The following WDR35 variants were observed in gnomAD, a reference collection of about 807,000 sequenced individuals.
WDR35 encodes the protein WD repeat domain 35.
In WDR35, 118 loss-of-function variants were observed where a neutral mutation model predicts 158.3. The observed-to-expected ratio is 0.75, with a 90% confidence interval of 0.64 to 0.87. WDR35 has a LOEUF of 0.87. Ranked by LOEUF, WDR35 falls within the 40% of genes least tolerant of loss-of-function variation. The probability of loss-of-function intolerance (pLI) is 0.00; values close to 1 mark genes in which losing one functional copy is unlikely to be tolerated. For synonymous variants in WDR35, 448 were observed against 476.1 expected, an observed-to-expected ratio of 0.94 and a Z score of 0.77; for missense variants, 1,263 against 1,405.8, an observed-to-expected ratio of 0.90 and a Z score of 1.62.
At position 19,975,625 on chromosome 2, in the gene WDR35, GCTGTAT is replaced by G. The variant is rs1263182806; in HGVS notation, c.469_474del (p.Ile157_Gln158del). On this transcript the variant is annotated inframe_deletion, in exon 6 of 27. Coordinates refer to ENST00000281405, the MANE Select transcript of WDR35 (RefSeq NM_020779.4). The stretch of plus-strand genomic sequence containing the variant: ...TCCGCAGACCATGTTACATGGGATA[GCTGTAT>G]ACCCTTCAGGTCTTTTCCCCAAATA... 7.4e-6 allele frequency: 12 copies of G among 1,613,956 alleles called. No homozygotes were observed. Among genetic ancestry groups the G allele is most frequent in the Non-Finnish European group, 9.3e-6 (11 of 1,179,974 alleles).
chr2:19,978,998 C>A lies in WDR35; in HGVS notation c.308-119G>T, dbSNP rs1572365766. ...GGACAAATAACTGCAAAGTTTTCTA[C>A]AACCTGAGACATTAAACTATAAAAC... On this transcript the variant is annotated intron_variant, in intron 4 of 26. Coordinates refer to ENST00000281405, the MANE Select transcript of WDR35 (RefSeq NM_020779.4). The A allele has an allele frequency of 2.4e-6, 3 of 1,231,900 alleles. No individual in the cohort carries two copies. The South Asian group carries it at 4.0e-5, about 16-fold the overall frequency. The allele number at this position is 1,231,900 out of a possible 1,614,324, so 76.3% of individuals were successfully genotyped here. A position where few individuals can be genotyped will look rare whatever the true frequency, so the allele number is the denominator to read the frequency against.
intron 21 of WDR35, chr2:19,935,078 A>G (rs2103402042): frequency 6.5e-6 from 1 of 154,420 alleles, no homozygotes; most frequent in South Asian, 2.0e-4. Context: ...TAACATAATA[A>G]AAGTTGAGCT....
chr2:19,988,692 G>C (rs745715145), intron 2 of WDR35, among the ~76,000 whole-genome samples: 2 of 152,146 alleles, frequency 1.3e-5, no homozygotes, highest in Non-Finnish European at 2.9e-5. Flanking sequence ...GATAAAGAAA[G>C]AAATCAAGCA....
rs907067876 is a variant in WDR35 at position 19,910,928 on chromosome 2, T to C, written c.*2630A>G. 1 of 152,198 alleles carries C rather than the reference T, an allele frequency of 6.6e-6. No homozygotes were observed. Among genetic ancestry groups the C allele is most frequent in the Admixed American group, 6.5e-5 (1 of 15,272 alleles). 9.4% of individuals were successfully genotyped at this position (152,198 alleles called of 1,614,324 possible). ...AAAGTAAAAAAGATGTGCCTGTCTA[T>C]ATACATATGCGCGCACACACACACG... On this transcript the variant is annotated 3_prime_UTR_variant, in exon 27 of 27. Transcript: ENST00000281405.
chr2:19,976,821 A>AT lies in WDR35; in HGVS notation c.437-1159dup, dbSNP rs34387618. 1.8e-3 allele frequency among the ~76,000 whole-genome samples: 253 copies of AT among 143,234 alleles called. 2 individuals are homozygous for AT. Among genetic ancestry groups the AT allele is most frequent in the South Asian group, 0.016 (76 of 4,610 alleles). The allele number at this position is 143,234 out of a possible 152,430, so 94.0% of individuals were successfully genotyped here. On this transcript the variant is annotated intron_variant, in intron 5 of 26. Coordinates refer to ENST00000281405, the MANE Select transcript of WDR35 (RefSeq NM_020779.4). ...TCTGCCTATCCCTTAAATGTTGCTG[A>AT]TTTTTTTTTTTTTCCTGAGACAGGG...
intron 15 of WDR35, 106 bp from the exon 16 acceptor site, chr2:19,946,102 A>C: frequency 2.5e-6 from 3 of 1,208,214 alleles, no homozygotes; most frequent in Non-Finnish European, 3.5e-6. Flanking sequence ...GATTATCAGA[A>C]ACCTGGAATA....
chr2:19,924,163 G>GA (rs1238751806), intron 25 of WDR35, among the ~76,000 whole-genome samples: 2 of 152,126 alleles, frequency 1.3e-5, no homozygotes, highest in Non-Finnish European at 2.9e-5. Flanking sequence ...TAGAGCTTGG[G>GA]AAAAAATCCC....
At chr2:19,936,389 T>C (rs777876642) in intron 19 of WDR35, 24 bp from the exon 20 acceptor site, 6 of 1,613,710 alleles carry the variant, frequency 3.7e-6, no homozygotes, top group Non-Finnish European at 5.1e-6. Context: ...CATTCATTCA[T>C]TCATTCATCT....
rs752949190 is a variant in WDR35 at position 19,936,201 on chromosome 2, T to C, written c.2414+18A>G. 1.9e-6 allele frequency: 3 copies of C among 1,613,626 alleles called. No homozygotes were observed. The East Asian group carries it at 6.7e-5, about 36-fold the overall frequency. The stretch of plus-strand genomic sequence containing the variant: ...AGTGTTGCATGAATGCTTGAGGAGC[T>C]CCAGGTAAGTTACATACCACTTTTG... On this transcript the variant is annotated intron_variant, in intron 20 of 26. Coordinates refer to ENST00000281405, the MANE Select transcript of WDR35 (RefSeq NM_020779.4).
chr2:19,961,844 C>T (rs565477199), intron 10 of WDR35, among the ~76,000 whole-genome samples: 13 of 152,322 alleles, frequency 8.5e-5, no homozygotes, highest in African/African-American at 3.1e-4. Context: ...TCTCTCCCCA[C>T]CATGACAATG....
chr2:19,985,152 T>C (rs1266461365), intron 2 of WDR35, among the ~76,000 whole-genome samples: 2 of 152,206 alleles, frequency 1.3e-5, no homozygotes, highest in Admixed American at 6.5e-5. Context: ...TGGCCCTATA[T>C]ACTTTTTCTC....
At chr2:19,943,540 C>A (rs1670942403) in intron 16 of WDR35, among the ~76,000 whole-genome samples, 2 of 151,752 alleles carry the variant, frequency 1.3e-5, no homozygotes, top group Admixed American at 1.3e-4. Flanking sequence ...TATGGTAGGT[C>A]ATGTAAATAA....
chr2:19,920,813 T>C (rs1670145049), intron 25 of WDR35, among the ~76,000 whole-genome samples: 1 of 152,210 alleles, frequency 6.6e-6, no homozygotes, highest in African/African-American at 2.4e-5. Context: ...GATGACATGA[T>C]TGTATATTTA....
chr2:19,936,316 G>A lies in WDR35; in HGVS notation c.2317C>T (p.Leu773Phe), dbSNP rs1670695537. ...RLKLGDWFRV[L>F]QLLKTGSGDA... The stretch of plus-strand genomic sequence containing the variant: ...CCAGATCCAGTTTTCAGGAGCTGGA[G>A]TACTCTAAACCAATCCCCCAATTTC... Residue 773 changes from leucine (L) to phenylalanine (F), a missense_variant, in exon 20 of 27, where the codon CTC becomes TTC. Coordinates refer to ENST00000281405, the MANE Select transcript of WDR35 (RefSeq NM_020779.4). 6.2e-7 allele frequency: 1 copy of A among 1,614,050 alleles called. No homozygotes were observed.
intron 8 of WDR35, among the ~76,000 whole-genome samples, chr2:19,971,055 TA>T (rs1558353863): frequency 7.0e-6 from 1 of 143,090 alleles, no homozygotes; most frequent in African/African-American, 2.6e-5. Flanking sequence ...TTAAAATAAA[TA>T]AACAGTACTT....
Position 19,948,163 on chromosome 2 carries a change from C to T in WDR35, c.1524+1G>A. 6.2e-7 allele frequency: 1 copy of T among 1,606,152 alleles called. No individual in the cohort carries two copies. The highest frequency in any genetic ancestry group is 2.2e-5 in the East Asian group (1 of 44,704). On this transcript the variant is annotated splice_donor_variant, in intron 14 of 26. Transcript: ENST00000281405. LOFTEE classifies it high-confidence loss of function. ...ATAAAATAAGTTTTTGCAAAACTTA[C>T]CACAATCAATATCTTATCTGATGCA... is the stretch of plus-strand genomic sequence containing the variant.
At chr2:19,960,651 G>A (rs770895093) in intron 10 of WDR35, 37 bp from the exon 11 acceptor site, 3 of 1,457,152 alleles carry the variant, frequency 2.1e-6, no homozygotes, top group Non-Finnish European at 1.9e-6. Flanking sequence ...CAGAACTCCT[G>A]CTTATGAATA....
chr2:19,931,173 T>C (rs887585762), intron 24 of WDR35, 96 bp downstream of exon 24: 1 of 1,395,272 alleles, frequency 7.2e-7, no homozygotes, highest in Non-Finnish European at 9.7e-7. Context: ...GACATGCAAA[T>C]TAAATGACCT....
intron 25 of WDR35, among the ~76,000 whole-genome samples, chr2:19,928,692 A>C (rs1670434094): frequency 6.6e-6 from 1 of 152,174 alleles, no homozygotes; most frequent in African/African-American, 2.4e-5. Context: ...AAAAACTATT[A>C]ATATCATCAT....
Sources: allele counts gnomAD v4.1 joint callset (sites outside exome capture counted in the v4.1 genomes callset), GRCh38; gene constraint gnomAD v4.1.1; transcripts MANE v1.5; gene names NCBI Gene and HGNC (gene_info 2026-07-23, HGNC 2026-07-21).